The following DKK2 variants were observed in gnomAD, a reference collection of about 807,000 sequenced individuals.
DKK2 encodes the protein dickkopf-related protein 2.
A neutral mutation model predicts 28.1 loss-of-function variants in DKK2; 11 were observed. The ratio of observed to expected loss-of-function variants is 0.39; its 90% confidence interval spans 0.25 to 0.65. The LOEUF is 0.65. Among genes scored for constraint, DKK2 ranks in the 30% least tolerant of loss-of-function variants. DKK2 has a pLI of 0.47. For synonymous variants in DKK2, 135 were observed against 126.5 expected (o/e 1.07, Z -0.45); for missense variants, 326 against 335.5 (o/e 0.97, Z 0.22).
At chr4:106,965,195 T>G (rs1473108358) in intron 1 of DKK2, among the ~76,000 whole-genome samples, 1 of 151,996 alleles carries the variant, frequency 6.6e-6, no homozygotes, top group Middle Eastern at 3.2e-3. Context: ...TTCTTGATAT[T>G]TAAACACCAC....
At chr4:106,953,203 A>G (rs1722512987) in intron 1 of DKK2, among the ~76,000 whole-genome samples, 1 of 152,176 alleles carries the variant, frequency 6.6e-6, no homozygotes, top group Non-Finnish European at 1.5e-5. Context: ...AAACTTAAGA[A>G]CACCAGATGT....
At chr4:107,030,319 C>T (rs1392758167) in intron 1 of DKK2, among the ~76,000 whole-genome samples, 1 of 151,920 alleles carries the variant, frequency 6.6e-6, no homozygotes. Flanking sequence ...GAAAATTGAC[C>T]TTTGCTTACC....
At chr4:106,925,077 A>G (rs900764257) in intron 2 of DKK2, among the ~76,000 whole-genome samples, 1 of 152,188 alleles carries the variant, frequency 6.6e-6, no homozygotes, top group Non-Finnish European at 1.5e-5. Flanking sequence ...TAACAACATA[A>G]TGTTAGTTTA....
chr4:106,951,448 G>A (rs1241192061), intron 1 of DKK2, among the ~76,000 whole-genome samples: 1 of 152,094 alleles, frequency 6.6e-6, no homozygotes, highest in Non-Finnish European at 1.5e-5. Context: ...ATCCATCAGC[G>A]GGTGAATGGA....
intron 1 of DKK2, among the ~76,000 whole-genome samples, chr4:106,931,494 T>G (rs886080466): frequency 3.7e-4 from 56 of 152,180 alleles, no homozygotes; most frequent in African/African-American, 1.3e-3. Flanking sequence ...GTTTTTGTAT[T>G]AGTATGAAAT....
chr4:107,030,543 T>C (rs1041486189), intron 1 of DKK2, among the ~76,000 whole-genome samples: 2 of 151,896 alleles, frequency 1.3e-5, no homozygotes, highest in Non-Finnish European at 2.9e-5. Flanking sequence ...GATAAATAAC[T>C]AAAAACGGGT....
chr4:107,005,817 G>C (rs1275391195), intron 1 of DKK2, among the ~76,000 whole-genome samples: 1 of 152,118 alleles, frequency 6.6e-6, no homozygotes, highest in Non-Finnish European at 1.5e-5. Context: ...ATCAGTAGAA[G>C]TATCTTCTTC....
chr4:106,944,338 A>T (rs1367278334), intron 1 of DKK2, among the ~76,000 whole-genome samples: 2 of 152,134 alleles, frequency 1.3e-5, no homozygotes, highest in Non-Finnish European at 2.9e-5. Flanking sequence ...ACCTCATGGC[A>T]TGTTCGTTTT....
chr4:106,928,814 G>A (rs540513875), intron 1 of DKK2, among the ~76,000 whole-genome samples: 1 of 152,228 alleles, frequency 6.6e-6, no homozygotes, highest in African/African-American at 2.4e-5. Flanking sequence ...TTTAAAGAAG[G>A]CATTTTCTAC....
At chr4:107,017,248 T>C (rs1423463210) in intron 1 of DKK2, among the ~76,000 whole-genome samples, 1 of 152,002 alleles carries the variant, frequency 6.6e-6, no homozygotes, top group African/African-American at 2.4e-5. Context: ...CTTCAATATA[T>C]GGTTCATTTT....
At chr4:106,999,050 G>A (rs534737682) in intron 1 of DKK2, among the ~76,000 whole-genome samples, 38 of 152,302 alleles carry the variant, frequency 2.5e-4, no homozygotes, top group African/African-American at 7.2e-4. Flanking sequence ...AGGGGGATTG[G>A]CTTCAGAGAA....
chr4:107,008,757 T>C (rs575121804), intron 1 of DKK2, among the ~76,000 whole-genome samples: 1 of 152,102 alleles, frequency 6.6e-6, no homozygotes, highest in East Asian at 1.9e-4. Context: ...ACTTAGTGTC[T>C]AATTAGGCTT....
chr4:106,937,608 C>T (rs1269527127), intron 1 of DKK2, among the ~76,000 whole-genome samples: 2 of 151,876 alleles, frequency 1.3e-5, no homozygotes, highest in Non-Finnish European at 2.9e-5. Flanking sequence ...AGCTCTTCAC[C>T]AAGCGGACCT....
At chr4:106,957,618 T>C (rs1722615239) in intron 1 of DKK2, among the ~76,000 whole-genome samples, 1 of 150,820 alleles carries the variant, frequency 6.6e-6, no homozygotes, top group South Asian at 2.1e-4. Flanking sequence ...ATGGATGAAA[T>C]TGGAAATCAT....
intron 1 of DKK2, among the ~76,000 whole-genome samples, chr4:106,965,006 T>TAGG (rs61154775): frequency 3.2e-4 from 40 of 125,194 alleles, no homozygotes; most frequent in African/African-American, 1.3e-3. Flanking sequence ...GATAGATAGA[T>TAGG]TGATTGATTC....
chr4:107,002,585 A>G (rs1723375172), intron 1 of DKK2, among the ~76,000 whole-genome samples: 2 of 150,886 alleles, frequency 1.3e-5, no homozygotes, highest in Non-Finnish European at 2.9e-5. Context: ...AAAAGACAGT[A>G]AAAAAAAAGA....
chr4:106,925,942 G>T lies in DKK2; in HGVS notation c.230C>A (p.Pro77His), dbSNP rs1442509108. Residue 77 changes from proline to histidine, a missense_variant, in exon 2 of 4, where the codon CCT (proline) becomes CAT (histidine). Transcript: ENST00000285311. The part of the protein sequence containing the change: ...KKGKNLGQAY[P>H]CSSDKECEVG... ...TTCACACTCCTTATCACTGCTACAA[G>T]GGTAGGCCTGTCATCAAGTGGAACA... 6.2e-7 allele frequency: 1 copy of T among 1,602,380 alleles called. No individual in the cohort carries two copies. The highest frequency in any genetic ancestry group is 1.4e-5 in the African/African-American group (1 of 73,944).
At chr4:106,932,010 G>A (rs1230925618) in intron 1 of DKK2, among the ~76,000 whole-genome samples, 2 of 151,854 alleles carry the variant, frequency 1.3e-5, no homozygotes, top group Non-Finnish European at 2.9e-5. Context: ...GCCTTTTTTT[G>A]CCACATAAAA....
intron 1 of DKK2, among the ~76,000 whole-genome samples, chr4:107,025,987 G>A (rs1302305450): frequency 6.6e-6 from 1 of 152,200 alleles, no homozygotes; most frequent in Non-Finnish European, 1.5e-5. Flanking sequence ...GAGGATGCAA[G>A]TTCCAGTGAG....
Sources: allele counts gnomAD v4.1 joint callset (sites outside exome capture counted in the v4.1 genomes callset), GRCh38; gene constraint gnomAD v4.1.1; transcripts MANE v1.5; gene names NCBI Gene and HGNC (gene_info 2026-07-23, HGNC 2026-07-21).